CCDC83: variants seen among roughly 807,000 people sequenced by gnomAD.
CCDC83 encodes the protein coiled-coil domain containing 83.
Under a neutral mutation model 50.1 loss-of-function variants are expected in CCDC83, and 54 were observed. The observed-to-expected ratio is 1.08, with a 90% CI of 0.87 to 1.35. The LOEUF (loss-of-function observed/expected upper bound fraction) is 1.35, where lower values mean the gene tolerates loss of function less well. Among genes scored for constraint, CCDC83 ranks in the 40% most tolerant of loss-of-function variants. The pLI is 0.00. For synonymous variants in CCDC83, 161 were observed against 153.3 expected (o/e 1.05, Z -0.37); for missense variants, 518 against 473.9 (o/e 1.09, Z -0.86).
chr11:85,913,200 A>T (rs990244987), intron 8 of CCDC83, among the ~76,000 whole-genome samples: 14 of 152,240 alleles, frequency 9.2e-5, no homozygotes, highest in Admixed American at 1.3e-4. Context: ...CATGGGTGAC[A>T]TTTATAGGAA....
intron 4 of CCDC83, among the ~76,000 whole-genome samples, chr11:85,885,628 A>T (rs946612537): frequency 5.3e-5 from 8 of 152,262 alleles, no homozygotes; most frequent in Non-Finnish European, 1.5e-5. Context: ...GAACTTGCCC[A>T]TCACTCTGGT....
At chr11:85,864,562 C>T (rs1310069649) in intron 1 of CCDC83, among the ~76,000 whole-genome samples, 1 of 152,074 alleles carries the variant, frequency 6.6e-6, no homozygotes, top group Non-Finnish European at 1.5e-5. Flanking sequence ...AAATCTCAAC[C>T]ATTTTAAAAG....
At chr11:85,916,966 C>T (rs2093479834) in intron 10 of CCDC83, among the ~76,000 whole-genome samples, 1 of 151,658 alleles carries the variant, frequency 6.6e-6, no homozygotes, top group South Asian at 2.1e-4. Context: ...CCAAAAATAG[C>T]TGGGCATGGT....
At chr11:85,872,014 A>T (rs1206795073) in intron 2 of CCDC83, among the ~76,000 whole-genome samples, 1 of 152,132 alleles carries the variant, frequency 6.6e-6, no homozygotes, top group Non-Finnish European at 1.5e-5. Flanking sequence ...GTGCAGTGGC[A>T]TGATCTTGGT....
At chr11:85,890,067 G>A (rs1232110865) in intron 5 of CCDC83, among the ~76,000 whole-genome samples, 1 of 152,196 alleles carries the variant, frequency 6.6e-6, no homozygotes, top group Non-Finnish European at 1.5e-5. Flanking sequence ...CCCCACCGAG[G>A]AGCAGGTAAA....
At chr11:85,865,632 A>G (rs111482869) in intron 2 of CCDC83, among the ~76,000 whole-genome samples, 2 of 152,222 alleles carry the variant, frequency 1.3e-5, no homozygotes, top group African/African-American at 4.8e-5. Flanking sequence ...TCACACCTGT[A>G]TTCCCAGCCC....
At chr11:85,918,557 TTC>T (rs1319630138) in intron 10 of CCDC83, among the ~76,000 whole-genome samples, 5 of 152,246 alleles carry the variant, frequency 3.3e-5, no homozygotes, top group Non-Finnish European at 7.3e-5. Flanking sequence ...AGACTTCAAA[TTC>T]TGTTTGTTGA....
intron 7 of CCDC83, among the ~76,000 whole-genome samples, chr11:85,905,802 T>C (rs1434686013): frequency 1.4e-5 from 2 of 147,898 alleles, no homozygotes; most frequent in African/African-American, 2.5e-5. Context: ...ACCCCGTCTC[T>C]ATTAAAAACA....
intron 5 of CCDC83, among the ~76,000 whole-genome samples, chr11:85,887,934 C>T (rs1290938116): frequency 6.6e-6 from 1 of 151,708 alleles, no homozygotes; most frequent in African/African-American, 2.4e-5. Context: ...TCCTGAGTAG[C>T]TGGGACAGCA....
intron 5 of CCDC83, among the ~76,000 whole-genome samples, chr11:85,889,740 T>C (rs1449678997): frequency 1.3e-5 from 2 of 152,152 alleles, no homozygotes; most frequent in South Asian, 2.1e-4. Context: ...CCAATGATTA[T>C]GGGGTTTGCG....
intron 2 of CCDC83, among the ~76,000 whole-genome samples, chr11:85,867,000 G>C: frequency 6.6e-6 from 1 of 152,140 alleles, no homozygotes; most frequent in East Asian, 1.9e-4. Context: ...TTTATTAGAG[G>C]AGTATAAAGT....
intron 1 of CCDC83, among the ~76,000 whole-genome samples, chr11:85,860,164 T>C (rs1394314845): frequency 1.3e-5 from 2 of 151,848 alleles, no homozygotes; most frequent in Non-Finnish European, 2.9e-5. Flanking sequence ...TAGCCAGGCA[T>C]GGTGGCACGT....
rs140954011 is a variant in CCDC83, at chr11:85,894,009, G to A, written c.512-1284G>A. 4.6e-3 allele frequency among the ~76,000 whole-genome samples: 697 copies of A among 152,108 alleles called. 2 individuals carry two copies. Among genetic ancestry groups the A allele is most frequent in the Middle Eastern group, 6.8e-3 (2 of 294 alleles). ...ATAATGTAGAATCAGGGCTCCCACT[G>A]ATTCTACATTATAGTGAGTTGTATA... On this transcript the variant is annotated intron_variant, in intron 5 of 10. Transcript: ENST00000342404.
Position 85,875,357 on chromosome 11 carries a change from G to A in CCDC83, c.180+2062G>A, listed in dbSNP as rs1233961536. Among the ~76,000 whole-genome samples, 10 of 152,220 alleles carry A rather than the reference G, an allele frequency of 6.6e-5. No individual in the cohort carries two copies. In the East Asian group the frequency reaches 1.9e-3, roughly 29 times the overall value. ...TCCAGCTTGAAGGTTGGATTTCACT[G>A]GGGACCGGCCCCATCTGCCTAGGCA... On this transcript the variant is annotated intron_variant, in intron 3 of 10. Transcript: ENST00000342404.
intron 3 of CCDC83, among the ~76,000 whole-genome samples, chr11:85,881,360 A>G (rs797010962): frequency 2.6e-5 from 4 of 151,842 alleles, no homozygotes; most frequent in African/African-American, 9.7e-5. Flanking sequence ...GTGACAGAGC[A>G]AGACTCCATC....
chr11:85,881,754 T>G (rs967312122), intron 3 of CCDC83, among the ~76,000 whole-genome samples: 1 of 152,204 alleles, frequency 6.6e-6, no homozygotes, highest in Non-Finnish European at 1.5e-5. Context: ...ATGCCCTGTA[T>G]GCTAATTGTT....
chr11:85,906,824 G>A (rs1240768824), intron 7 of CCDC83, among the ~76,000 whole-genome samples: 3 of 146,030 alleles, frequency 2.1e-5, no homozygotes, highest in Non-Finnish European at 3.1e-5. Flanking sequence ...GGTTGAGGCT[G>A]TAGTAAGCCA....
chr11:85,869,126 C>T (rs749147451), intron 2 of CCDC83, among the ~76,000 whole-genome samples: 16 of 152,178 alleles, frequency 1.1e-4, no homozygotes, highest in Admixed American at 9.2e-4. Flanking sequence ...AAATGCCCAC[C>T]AATAAACAAG....
At chr11:85,903,804 C>A (rs1044982927) in intron 7 of CCDC83, among the ~76,000 whole-genome samples, 1 of 151,972 alleles carries the variant, frequency 6.6e-6, no homozygotes, top group African/African-American at 2.4e-5. Flanking sequence ...TTCTCCTTCA[C>A]ACTGCCTCAG....
Sources: gnomAD v4.1 joint callset for allele counts (sites outside exome capture counted in the v4.1 genomes callset) on GRCh38, gnomAD v4.1.1 for gene constraint, MANE v1.5 for transcripts, NCBI Gene and HGNC (gene_info 2026-07-23, HGNC 2026-07-21) for gene names.